Variants in ERBB4 observed in about 807,000 individuals in gnomAD.
ERBB4 encodes receptor tyrosine-protein kinase erbB-4.
Under a neutral mutation model 158.0 loss-of-function variants are expected in ERBB4, and 42 were observed. That is an observed-to-expected ratio of 0.27 (90% CI 0.21 to 0.34). The LOEUF (loss-of-function observed/expected upper bound fraction) is 0.34. Among genes scored for constraint, ERBB4 ranks in the 10% least tolerant of loss-of-function variants. The pLI is 1.00. For missense variants in ERBB4, 1,333 were observed against 1,624.1 expected (o/e 0.82, Z 3.08); for synonymous variants, 583 against 558.7 (o/e 1.04, Z -0.61).
chr2:211,900,909 C>G (rs2079217642), intron 3 of ERBB4, among the ~76,000 whole-genome samples: 1 of 152,100 alleles, frequency 6.6e-6, no homozygotes, highest in South Asian at 2.1e-4. Context: ...CTATCATCTC[C>G]TCTATTTCAA....
chr2:212,293,392 A>G (rs1189126704), intron 1 of ERBB4, among the ~76,000 whole-genome samples: 1 of 152,098 alleles, frequency 6.6e-6, no homozygotes, highest in Non-Finnish European at 1.5e-5. Flanking sequence ...ATAATTTAAT[A>G]TAGCTTTCAA....
chr2:212,353,279 A>C (rs551646598), intron 1 of ERBB4, among the ~76,000 whole-genome samples: 2 of 151,860 alleles, frequency 1.3e-5, no homozygotes, highest in African/African-American at 4.8e-5. Context: ...AATACAAAAT[A>C]ATTTGTATCA....
intron 3 of ERBB4, among the ~76,000 whole-genome samples, chr2:211,938,398 C>A (rs560029970): frequency 6.6e-6 from 1 of 152,210 alleles, no homozygotes; most frequent in African/African-American, 2.4e-5. Flanking sequence ...TAAGTCCTTG[C>A]CTGCTGGATT....
At chr2:212,207,284 T>A (rs1050283322) in intron 1 of ERBB4, among the ~76,000 whole-genome samples, 1 of 152,152 alleles carries the variant, frequency 6.6e-6, no homozygotes, top group South Asian at 2.1e-4. Context: ...ATTAAAGAGA[T>A]AAGAAAGTGG....
chr2:211,846,055 T>G (rs1210140855), intron 3 of ERBB4, among the ~76,000 whole-genome samples: 2 of 151,522 alleles, frequency 1.3e-5, no homozygotes, highest in Admixed American at 6.6e-5. Context: ...AATTGTTGTT[T>G]TTTTTTTTCA....
intron 1 of ERBB4, among the ~76,000 whole-genome samples, chr2:212,346,889 A>C (rs1010103949): frequency 3.9e-5 from 6 of 152,126 alleles, no homozygotes; most frequent in African/African-American, 1.2e-4. Context: ...ATGAATACTA[A>C]GCCGCATTTA....
intron 4 of ERBB4, 141 bp from the exon 5 acceptor site, chr2:211,750,845 A>T (rs956043410): frequency 1.6e-5 from 12 of 760,808 alleles, no homozygotes; most frequent in Non-Finnish European, 2.1e-5. Context: ...AGCCCATAAA[A>T]TGCCCACTTA....
chr2:212,023,589 C>T (rs2076706186), intron 2 of ERBB4, among the ~76,000 whole-genome samples: 1 of 151,824 alleles, frequency 6.6e-6, no homozygotes, highest in Non-Finnish European at 1.5e-5. Context: ...ACTTCTCTTT[C>T]TCAATTTATT....
At chr2:211,599,481 T>C (rs2068732897) in intron 19 of ERBB4, among the ~76,000 whole-genome samples, 1 of 90,936 alleles carries the variant, frequency 1.1e-5, no homozygotes, top group Non-Finnish European at 2.5e-5. Context: ...AGATACTCTT[T>C]GAGCTAACAG....
intron 1 of ERBB4, among the ~76,000 whole-genome samples, chr2:212,348,196 G>C (rs935940257): frequency 2.6e-5 from 4 of 152,052 alleles, no homozygotes; most frequent in African/African-American, 9.7e-5. Flanking sequence ...TGAAACACCT[G>C]GGTGCTTCAT....
chr2:212,168,563 T>A (rs1406939824), intron 1 of ERBB4, among the ~76,000 whole-genome samples: 5 of 152,034 alleles, frequency 3.3e-5, no homozygotes, highest in South Asian at 2.1e-4. Flanking sequence ...TAGGTAAAAT[T>A]AGATATATCA....
intron 1 of ERBB4, among the ~76,000 whole-genome samples, chr2:212,360,076 G>C (rs2089626413): frequency 6.6e-6 from 1 of 151,656 alleles, no homozygotes; most frequent in South Asian, 2.1e-4. Flanking sequence ...TATCAGCACT[G>C]TGTTTGTAAA....
chr2:212,125,329 G>T, intron 1 of ERBB4: 1 of 177,814 alleles, frequency 5.6e-6, no homozygotes, highest in Non-Finnish European at 1.2e-5. Flanking sequence ...TAAAATCATA[G>T]TTATTATATC....
intron 1 of ERBB4, among the ~76,000 whole-genome samples, chr2:212,513,662 T>C (rs1691652966): frequency 6.6e-6 from 1 of 151,890 alleles, no homozygotes; most frequent in Admixed American, 6.6e-5. Context: ...ATACAAAAAA[T>C]TAGCCGGGCG....
At chr2:211,551,196 T>G (rs1357757252) in intron 20 of ERBB4, among the ~76,000 whole-genome samples, 1 of 152,194 alleles carries the variant, frequency 6.6e-6, no homozygotes, top group South Asian at 2.1e-4. Context: ...CTGAAGCTAT[T>G]TACTGTGAAT....
chr2:211,990,378 A>G (rs1381116600), intron 2 of ERBB4, among the ~76,000 whole-genome samples: 1 of 152,038 alleles, frequency 6.6e-6, no homozygotes, highest in African/African-American at 2.4e-5. Flanking sequence ...ATACAGCACT[A>G]TAAATGTTCC....
intron 3 of ERBB4, among the ~76,000 whole-genome samples, chr2:211,842,339 G>T (rs2077489272): frequency 6.6e-6 from 1 of 151,432 alleles, no homozygotes; most frequent in Non-Finnish European, 1.5e-5. Context: ...ATGTGTTTGA[G>T]ATTTCAAATA....
intron 19 of ERBB4, among the ~76,000 whole-genome samples, chr2:211,612,819 A>C (rs529267201): frequency 3.2e-4 from 48 of 152,230 alleles, no homozygotes; most frequent in South Asian, 1.7e-3. Flanking sequence ...ACAAAAGAGT[A>C]TAAAAAGAAG....
intron 1 of ERBB4, among the ~76,000 whole-genome samples, chr2:212,443,115 G>A (rs1283619495): frequency 6.6e-6 from 1 of 152,172 alleles, no homozygotes; most frequent in Non-Finnish European, 1.5e-5. Flanking sequence ...TGTCCGTAAG[G>A]CCCACCAGAA....
Sources: allele counts gnomAD v4.1 joint callset (sites outside exome capture counted in the v4.1 genomes callset), GRCh38; gene constraint gnomAD v4.1.1; transcripts MANE v1.5; gene names NCBI Gene and HGNC (gene_info 2026-07-23, HGNC 2026-07-21).